The following STAB2 variants were observed in gnomAD, a reference collection of about 807,000 sequenced individuals.
STAB2 encodes the protein stabilin-2.
STAB2 carries 288 observed loss-of-function variants against 338.1 expected under a neutral mutation model. That is an observed-to-expected ratio of 0.85 (90% CI 0.77 to 0.94). The LOEUF (loss-of-function observed/expected upper bound fraction) is 0.94. Ranked by LOEUF, STAB2 falls within the 40% of genes least tolerant of loss-of-function variation. The pLI, the probability that STAB2 is intolerant of heterozygous loss-of-function variation, is 0.00. For missense variants in STAB2, 3,141 were observed against 3,210.1 expected (o/e 0.98, Z 0.52); for synonymous variants, 1,202 against 1,193.3 (o/e 1.01, Z -0.15).
chr12:103,724,558 G>A (rs530508898), intron 44 of STAB2, among the ~76,000 whole-genome samples: 20 of 152,274 alleles, frequency 1.3e-4, no homozygotes, highest in African/African-American at 4.6e-4. Context: ...TAAGCTCTTT[G>A]AGGGCTGGGA....
chr12:103,759,527 G>A (rs570317659), intron 65 of STAB2, among the ~76,000 whole-genome samples: 3 of 152,294 alleles, frequency 2.0e-5, no homozygotes, highest in East Asian at 3.9e-4. Context: ...CTGATTCTCC[G>A]CCTTCATTTT....
chr12:103,634,503 C>T (rs991911248), intron 6 of STAB2, among the ~76,000 whole-genome samples: 1 of 152,220 alleles, frequency 6.6e-6, no homozygotes, highest in African/African-American at 2.4e-5. Flanking sequence ...AACACACTCA[C>T]ATATCTTATA....
At chr12:103,661,186 T>G in intron 17 of STAB2, among the ~76,000 whole-genome samples, 2 of 125,674 alleles carry the variant, frequency 1.6e-5, no homozygotes, top group South Asian at 2.5e-4. Flanking sequence ...AAAGTGAAAT[T>G]GGACAGGGAT....
intron 36 of STAB2, chr12:103,705,151 A>C (rs1879232499): frequency 6.4e-6 from 1 of 156,722 alleles, no homozygotes; most frequent in Admixed American, 6.2e-5. Context: ...AATATATGAT[A>C]ATTTTTAATT....
At chr12:103,702,759 C>A (rs1260461284) in intron 34 of STAB2, among the ~76,000 whole-genome samples, 8 of 152,242 alleles carry the variant, frequency 5.3e-5, no homozygotes, top group African/African-American at 1.9e-4. Flanking sequence ...TACAGCACAA[C>A]TGAGCAAGTC....
intron 25 of STAB2, among the ~76,000 whole-genome samples, chr12:103,681,298 GA>G (rs569347914): frequency 1.5e-3 from 223 of 148,116 alleles, no homozygotes; most frequent in Non-Finnish European, 1.9e-3. Context: ...TTGAGAAAAG[GA>G]AAAAAAAAAT....
chr12:103,595,549 T>A (rs966710440), intron 3 of STAB2, among the ~76,000 whole-genome samples: 26 of 152,172 alleles, frequency 1.7e-4, no homozygotes, highest in Non-Finnish European at 3.4e-4. Context: ...GTCTTTTGGG[T>A]TTTTTGTTTG....
At chr12:103,756,996 AATATATATATATAT>A (rs869105400) in intron 63 of STAB2, among the ~76,000 whole-genome samples, 9 of 56,382 alleles carry the variant, frequency 1.6e-4, no homozygotes, top group East Asian at 1.5e-3. Flanking sequence ...AAGGAGGGAA[AATATATATATATAT>A]ATATATATAT....
chr12:103,605,619 T>C (rs1957016336), intron 3 of STAB2, among the ~76,000 whole-genome samples: 2 of 151,970 alleles, frequency 1.3e-5, no homozygotes, highest in African/African-American at 2.4e-5. Context: ...GTTCAATGAG[T>C]TTTCGTTTCA....
At chr12:103,643,263 C>G (rs1248386902) in intron 9 of STAB2, among the ~76,000 whole-genome samples, 2 of 152,074 alleles carry the variant, frequency 1.3e-5, no homozygotes, top group Non-Finnish European at 2.9e-5. Context: ...CCTAATAATA[C>G]CATCACACTG....
Position 103,655,315 on chromosome 12 carries a change from C to T in STAB2, c.1608+8C>T. On this transcript the variant is annotated splice_region_variant and intron_variant, in intron 14 of 68. Coordinates refer to ENST00000388887, the MANE Select transcript of STAB2 (RefSeq NM_017564.10). ...TTCAGATCTTTGTTAGAGGTAAGCACTTTTCATAATTTTCTGAAAAATATT... is the reference window on the plus strand; with the variant it reads ...TTCAGATCTTTGTTAGAGGTAAGCATTTTTCATAATTTTCTGAAAAATATT... The T allele has an allele frequency of 1.9e-6, 3 of 1,611,458 alleles. No individual in the cohort carries two copies. The highest frequency in any genetic ancestry group is 2.5e-6 in the Non-Finnish European group (3 of 1,179,196).
chr12:103,740,848 G>A, intron 55 of STAB2, 92 bp downstream of exon 55: 2 of 1,453,482 alleles, frequency 1.4e-6, no homozygotes, highest in Non-Finnish European at 1.8e-6. Context: ...ATTATAGGGG[G>A]ATGGGGGAAA....
chr12:103,658,163 G>A lies in STAB2; in HGVS notation c.1735-2168G>A, dbSNP rs559791852. Among the ~76,000 whole-genome samples, 5 of 152,332 alleles carry A rather than the reference G, an allele frequency of 3.3e-5. No individual in the cohort carries two copies. The East Asian group carries it at 9.7e-4, about 29-fold the overall frequency. On this transcript the variant is annotated intron_variant, in intron 15 of 68. Transcript: ENST00000388887. ...ACACCCTGCAAGTAAAGTGGGGAAA[G>A]GGACGTGAATTTATACAGTTCAAGG...
At position 103,631,668 on chromosome 12, in the gene STAB2, G is replaced by A. The variant is rs147053330; in HGVS notation, c.558G>A (p.Ala186=). Residue 186 remains alanine, a synonymous_variant, in exon 6 of 69, where the codon GCG becomes GCA. Coordinates refer to ENST00000388887, the MANE Select transcript of STAB2 (RefSeq NM_017564.10). The part of the protein sequence containing the change: ...DGDGTCECYS[A]YTGPKCDKPI... ...ATGGAACCTGTGAGTGCTACTCTGC[G>A]TACACTGGCCCCAAGTGTGACAAGC... is the stretch of plus-strand genomic sequence containing the variant. 11,994 of 1,614,164 alleles carry A rather than the reference G, an allele frequency of 7.4e-3. 50 individuals are homozygous for A. The highest frequency in any genetic ancestry group is 8.6e-3 in the Non-Finnish European group (10,155 of 1,180,016).
At chr12:103,760,990 G>C (rs1053126845) in intron 65 of STAB2, among the ~76,000 whole-genome samples, 1 of 83,466 alleles carries the variant, frequency 1.2e-5, no homozygotes, top group African/African-American at 5.7e-5. Context: ...AGCGTCCACA[G>C]GCATGGGGTT....
At chr12:103,643,951 G>A (rs1873125241) in intron 9 of STAB2, among the ~76,000 whole-genome samples, 1 of 78,928 alleles carries the variant, frequency 1.3e-5, no homozygotes, top group Non-Finnish European at 2.8e-5. Flanking sequence ...CGTCCGGGAG[G>A]TGAGGGGCGC....
intron 17 of STAB2, among the ~76,000 whole-genome samples, chr12:103,661,543 G>A (rs1220671614): frequency 6.6e-6 from 1 of 152,192 alleles, no homozygotes; most frequent in African/African-American, 2.4e-5. Context: ...TAGAAAATAA[G>A]TTAAATGCAT....
chr12:103,736,160 A>C (rs975981998), intron 52 of STAB2, among the ~76,000 whole-genome samples: 3 of 152,238 alleles, frequency 2.0e-5, no homozygotes, highest in East Asian at 1.9e-4. Context: ...ATAAGGATTT[A>C]TTCTCTTTCA....
chr12:103,648,644 T>A, intron 9 of STAB2, 46 bp from the exon 10 acceptor site: 1 of 1,596,568 alleles, frequency 6.3e-7, no homozygotes, highest in Non-Finnish European at 8.5e-7. Context: ...ATCAAAATAC[T>A]CAATGGCTCT....
Sources: allele counts gnomAD v4.1 joint callset (sites outside exome capture counted in the v4.1 genomes callset), GRCh38; gene constraint gnomAD v4.1.1; transcripts MANE v1.5; gene names NCBI Gene and HGNC (gene_info 2026-07-23, HGNC 2026-07-21).